Variants in TBC1D4 observed in about 807,000 individuals in gnomAD.
The protein encoded by TBC1D4 is TBC (Tre-2, BUB2, CDC16) domain-containing protein.
In TBC1D4, 121 loss-of-function variants were observed where a neutral mutation model predicts 142.5. That is an observed-to-expected ratio of 0.85 (90% CI 0.73 to 0.99). The LOEUF is 0.99. Ranked by LOEUF, TBC1D4 falls within the 50% of genes least tolerant of loss-of-function variation. The pLI, the probability that TBC1D4 is intolerant of heterozygous loss-of-function variation, is 0.00. For missense variants in TBC1D4, 1,475 were observed against 1,606.6 expected (o/e 0.92, Z 1.40); for synonymous variants, 630 against 628.2 (o/e 1.00, Z -0.04).
At chr13:75,405,060 T>C (rs144048539) in intron 1 of TBC1D4, among the ~76,000 whole-genome samples, 311 of 152,272 alleles carry the variant, frequency 2.0e-3, no homozygotes, top group African/African-American at 7.3e-3. Flanking sequence ...TTCTTATGTA[T>C]GGGTCATTAT....
chr13:75,324,730 A>G (rs542584507), intron 10 of TBC1D4, among the ~76,000 whole-genome samples: 12 of 152,356 alleles, frequency 7.9e-5, no homozygotes, highest in African/African-American at 2.6e-4. Context: ...AAAAAGCAGG[A>G]AAGCACAAAT....
At chr13:75,450,568 T>C (rs1239370550) in intron 1 of TBC1D4, among the ~76,000 whole-genome samples, 1 of 152,226 alleles carries the variant, frequency 6.6e-6, no homozygotes, top group Non-Finnish European at 1.5e-5. Flanking sequence ...TGATCGATAC[T>C]CTAATTTTCC....
chr13:75,440,759 A>G (rs1887006556), intron 1 of TBC1D4, among the ~76,000 whole-genome samples: 1 of 147,516 alleles, frequency 6.8e-6, no homozygotes, highest in Admixed American at 6.7e-5. Context: ...TTTTGTAGAG[A>G]CAGGGTCTCA....
At chr13:75,292,806 C>T (rs1219039615) in intron 18 of TBC1D4, among the ~76,000 whole-genome samples, 2 of 151,618 alleles carry the variant, frequency 1.3e-5, no homozygotes, top group Non-Finnish European at 2.9e-5. Context: ...TAAGAGCTAC[C>T]CTAACTCTAA....
chr13:75,380,429 C>A (rs114558721), intron 1 of TBC1D4, among the ~76,000 whole-genome samples: 7,400 of 151,710 alleles, frequency 0.049, 518 homozygotes, highest in African/African-American at 0.15. Flanking sequence ...GCCGCGATCA[C>A]GCCATTGCAT....
At chr13:75,437,944 T>A (rs115122876) in intron 1 of TBC1D4, among the ~76,000 whole-genome samples, 1,558 of 152,296 alleles carry the variant, frequency 0.01, 29 homozygotes, top group African/African-American at 0.036. Flanking sequence ...TTAAAATCCT[T>A]TAGATCTGCA....
intron 1 of TBC1D4, among the ~76,000 whole-genome samples, chr13:75,466,762 T>C (rs1453763533): frequency 1.3e-5 from 2 of 151,722 alleles, no homozygotes; most frequent in African/African-American, 2.4e-5. Flanking sequence ...CCCAAGCAAC[T>C]CGGGAGGCTG....
At chr13:75,299,714 A>G in intron 16 of TBC1D4, 140 bp from the exon 17 acceptor site, 1 of 1,059,788 alleles carries the variant, frequency 9.4e-7, no homozygotes, top group Non-Finnish European at 1.4e-6. Context: ...GTCACCATGT[A>G]ACTAAGAGTC....
intron 1 of TBC1D4, 75 bp downstream of exon 1, chr13:75,481,195 T>TCCCCCCC: frequency 2.3e-6 from 3 of 1,292,712 alleles, no homozygotes; most frequent in Non-Finnish European, 3.2e-6. Flanking sequence ...TAAAGTGGGG[T>TCCCCCCC]CCCCGCCCCT....
In TBC1D4 at chr13:75,349,285, C is replaced by A. The variant is rs1385413719; in HGVS notation, c.1293G>T (p.Leu431=). 1 of 1,613,914 alleles carries A rather than the reference C, an allele frequency of 6.2e-7. No homozygotes were observed. The highest frequency in any genetic ancestry group is 1.1e-5 in the South Asian group (1 of 91,064). ...ASESLVDEVM[L]TLKQAFSTAA... ...CCGTACTGAAGGCCTGTTTCAGAGT[C>A]AGCATTACCTCATCAACCTACAGGA... is the stretch of plus-strand genomic sequence containing the variant. Residue 431 remains leucine (L), a synonymous_variant, in exon 5 of 21, where the codon CTG becomes CTT. Transcript: ENST00000377636.
chr13:75,326,495 CAA>C, intron 9 of TBC1D4, 72 bp from the exon 10 acceptor site: 1 of 1,494,810 alleles, frequency 6.7e-7, no homozygotes. Flanking sequence ...ACACAGAGCT[CAA>C]AAGTGACAGT....
rs145714706 is a variant in TBC1D4 at position 75,341,369 on chromosome 13, C to T, written c.1500+127G>A. 1.3e-5 allele frequency: 16 copies of T among 1,237,292 alleles called. No individual in the cohort carries two copies. The African/African-American group carries it at 2.2e-4, about 17-fold the overall frequency. 76.6% of individuals were successfully genotyped at this position (1,237,292 alleles called of 1,614,324 possible). A position where few individuals can be genotyped will look rare whatever the true frequency, so the allele number is the denominator to read the frequency against. On this transcript the variant is annotated intron_variant, in intron 6 of 20. Coordinates refer to ENST00000377636, the MANE Select transcript of TBC1D4 (RefSeq NM_014832.5). ...AGCAAAAGTAAAATGGCATTCTATT[C>T]TATCCAGTAGTACTCTAGGTCATGC...
At position 75,481,942 on chromosome 13, in the gene TBC1D4, C is replaced by A. The variant is rs980659374; in HGVS notation, c.-175G>T. 46 of 948,296 alleles carry A rather than the reference C, an allele frequency of 4.9e-5. No individual in the cohort carries two copies. Among genetic ancestry groups the A allele is most frequent in the South Asian group, 1.3e-4 (3 of 22,384 alleles). 58.7% of individuals were successfully genotyped at this position (948,296 alleles called of 1,614,324 possible). On this transcript the variant is annotated 5_prime_UTR_variant, in exon 1 of 21. Coordinates refer to ENST00000377636, the MANE Select transcript of TBC1D4 (RefSeq NM_014832.5). ...AGCAGCCCTGCCCCATGCAGCACTTCCACGGGCGCGGCTCGGAGGCTCCGG... is the reference window on the plus strand; with the variant it reads ...AGCAGCCCTGCCCCATGCAGCACTTACACGGGCGCGGCTCGGAGGCTCCGG...
chr13:75,409,915 T>A (rs1885540815), intron 1 of TBC1D4, among the ~76,000 whole-genome samples: 1 of 152,214 alleles, frequency 6.6e-6, no homozygotes, highest in Admixed American at 6.5e-5. Context: ...TGAATTCGAA[T>A]CCAAAATTTC....
At chr13:75,405,224 A>G (rs1235793293) in intron 1 of TBC1D4, among the ~76,000 whole-genome samples, 1 of 151,990 alleles carries the variant, frequency 6.6e-6, no homozygotes, top group South Asian at 2.1e-4. Flanking sequence ...CATACATCAC[A>G]ACAAATTATA....
At position 75,422,523 on chromosome 13, in the gene TBC1D4, G is replaced by C. The variant is rs565636474; in HGVS notation, c.498+58747C>G. Among the ~76,000 whole-genome samples the C allele has an allele frequency of 2.0e-5, 3 of 152,266 alleles. No individual in the cohort carries two copies. In the East Asian group the frequency reaches 5.8e-4, roughly 29 times the overall value. On this transcript the variant is annotated intron_variant, in intron 1 of 20. Coordinates refer to ENST00000377636, the MANE Select transcript of TBC1D4 (RefSeq NM_014832.5). ...CTGGAAATTCATTTTAAAATATTGA[G>C]AATTTCTGCTAGAAATCTTTTGTTA...
chr13:75,409,879 C>G (rs111981268), intron 1 of TBC1D4, among the ~76,000 whole-genome samples: 155 of 152,242 alleles, frequency 1.0e-3, no homozygotes, highest in African/African-American at 3.4e-3. Flanking sequence ...TTTATACTTG[C>G]CCTGCTATAT....
At chr13:75,474,290 T>C (rs1275625954) in intron 1 of TBC1D4, among the ~76,000 whole-genome samples, 1 of 152,218 alleles carries the variant, frequency 6.6e-6, no homozygotes, top group Admixed American at 6.5e-5. Flanking sequence ...CCGGGCACAG[T>C]GGCTCACGCC....
intron 8 of TBC1D4, among the ~76,000 whole-genome samples, chr13:75,333,793 T>C (rs930029892): frequency 2.9e-4 from 44 of 152,230 alleles, no homozygotes; most frequent in African/African-American, 1.0e-3. Flanking sequence ...GTTTTTGTGT[T>C]TCTTTAGGGT....
Sources: gnomAD v4.1 joint callset for allele counts (sites outside exome capture counted in the v4.1 genomes callset) on GRCh38, gnomAD v4.1.1 for gene constraint, MANE v1.5 for transcripts, NCBI Gene and HGNC (gene_info 2026-07-23, HGNC 2026-07-21) for gene names.